Variants in HGF observed in about 807,000 individuals in gnomAD.
HGF encodes fibroblast-derived tumor cytotoxic factor.
A neutral mutation model predicts 111.6 loss-of-function variants in HGF; 39 were observed. That is an observed-to-expected ratio of 0.35 (90% CI 0.27 to 0.46). The LOEUF (loss-of-function observed/expected upper bound fraction) is 0.46, where lower values mean the gene tolerates loss of function less well. Among genes scored for constraint, HGF ranks in the 20% least tolerant of loss-of-function variants. The pLI, the probability that HGF is intolerant of heterozygous loss-of-function variation, is 1.00. For missense variants in HGF, 735 were observed against 910.5 expected (o/e 0.81, Z 2.48); for synonymous variants, 285 against 294.8 (o/e 0.97, Z 0.34).
At chr7:81,765,004 A>T (rs941236574) in intron 1 of HGF, among the ~76,000 whole-genome samples, 1 of 152,108 alleles carries the variant, frequency 6.6e-6, no homozygotes, top group Non-Finnish European at 1.5e-5. Flanking sequence ...CCAAAATAGA[A>T]GAGTTTTATA....
Position 81,726,123 on chromosome 7 carries a change from G to A in HGF, c.1041-106C>T. The A allele has an allele frequency of 2.6e-6, 3 of 1,173,874 alleles. No individual in the cohort carries two copies. In the Admixed American group the frequency reaches 5.2e-5, roughly 20 times the overall value. The allele number at this position is 1,173,874 out of a possible 1,614,324, so 72.7% of individuals were successfully genotyped here. ...TAGAATGTATGCATGTTTATAAATA[G>A]AGTTCTAACTTTTTGGACTCAGAAT... On this transcript the variant is annotated intron_variant, in intron 8 of 17. Coordinates refer to ENST00000222390, the MANE Select transcript of HGF (RefSeq NM_000601.6).
At position 81,769,914 on chromosome 7, in the gene HGF, G is replaced by T. The variant is rs755241254; in HGVS notation, c.58C>A (p.Leu20Ile). Reference protein sequence around the residue: ...LLLQHVLLHLLLLPIAIPYAE... With the variant: ...LLLQHVLLHLILLPIAIPYAE... Reference sequence around the variant, plus strand: ...TAGGGGATGGCGATGGGGAGCAGGAGGAGATGCAGGAGGACATGCTGCAGC... The same window carrying T: ...TAGGGGATGGCGATGGGGAGCAGGATGAGATGCAGGAGGACATGCTGCAGC... Residue 20 changes from leucine to isoleucine, a missense_variant, in exon 1 of 18, where the codon CTC becomes ATC. Physicochemically the swap from Leu to Ile is conservative, Grantham distance 5. Around this residue, in one of 3 missense-constraint regions of HGF, gnomAD observed 553 missense variants for 685.6 expected, o/e 0.81. Coordinates refer to ENST00000222390, the MANE Select transcript of HGF (RefSeq NM_000601.6). The T allele has an allele frequency of 9.6e-6, 15 of 1,569,012 alleles. No individual in the cohort carries two copies. Among genetic ancestry groups the T allele is most frequent in the African/African-American group, 9.5e-5 (7 of 73,950 alleles).
intron 5 of HGF, chr7:81,751,422 T>A (rs2116108598): frequency 1.0e-6 from 1 of 985,362 alleles, no homozygotes; most frequent in African/African-American, 1.7e-5. Flanking sequence ...GCCATTCAGT[T>A]TTCCACTGCA....
At chr7:81,745,750 G>C (rs1788216127) in intron 5 of HGF, among the ~76,000 whole-genome samples, 1 of 152,246 alleles carries the variant, frequency 6.6e-6, no homozygotes, top group African/African-American at 2.4e-5. Flanking sequence ...GCTTAGGATA[G>C]AAGATGACCT....
At chr7:81,737,864 G>A (rs73712330) in intron 7 of HGF, among the ~76,000 whole-genome samples, 7,694 of 152,154 alleles carry the variant, frequency 0.051, 715 homozygotes, top group African/African-American at 0.18. Flanking sequence ...AGAGTATAAA[G>A]GTATCTTCAG....
intron 7 of HGF, among the ~76,000 whole-genome samples, chr7:81,741,846 G>A (rs954857697): frequency 1.4e-5 from 2 of 145,966 alleles, no homozygotes; most frequent in African/African-American, 5.1e-5. Flanking sequence ...GCTGAGGCAG[G>A]AGAATCACTT....
At chr7:81,760,587 A>G (rs896752007) in intron 2 of HGF, among the ~76,000 whole-genome samples, 6 of 152,026 alleles carry the variant, frequency 3.9e-5, no homozygotes, top group Non-Finnish European at 8.8e-5. Flanking sequence ...ATTCATTAAG[A>G]CCCTAAGTTC....
chr7:81,742,498 AC>A (rs995026620), intron 7 of HGF, among the ~76,000 whole-genome samples: 2 of 152,148 alleles, frequency 1.3e-5, no homozygotes, highest in African/African-American at 4.8e-5. Context: ...CCAATTTATA[AC>A]ATTATTATAC....
chr7:81,746,955 G>A (rs991212595), intron 5 of HGF, among the ~76,000 whole-genome samples: 1 of 152,058 alleles, frequency 6.6e-6, no homozygotes, highest in Non-Finnish European at 1.5e-5. Context: ...GTCTGGGCTG[G>A]GGCACTAATA....
intron 5 of HGF, among the ~76,000 whole-genome samples, chr7:81,747,373 C>T (rs143790085): frequency 1.3e-5 from 2 of 151,754 alleles, no homozygotes; most frequent in African/African-American, 4.8e-5. Context: ...AGTATTTGGC[C>T]GTAATAGTTT....
intron 7 of HGF, among the ~76,000 whole-genome samples, chr7:81,736,453 C>A (rs1787828801): frequency 6.6e-6 from 1 of 151,986 alleles, no homozygotes; most frequent in African/African-American, 2.4e-5. Flanking sequence ...GTGATGCTGG[C>A]ATATTGTTAT....
chr7:81,759,173 A>T (rs888519579), intron 2 of HGF, among the ~76,000 whole-genome samples: 2 of 152,212 alleles, frequency 1.3e-5, no homozygotes, highest in Non-Finnish European at 2.9e-5. Flanking sequence ...GAAAGTTGGA[A>T]TATTTTTATC....
rs1790059059 is a variant in HGF at position 81,727,790 on chromosome 7, C to T, written c.1041-1773G>A. 2.0e-5 allele frequency among the ~76,000 whole-genome samples: 3 copies of T among 152,100 alleles called. No homozygotes were observed. The South Asian group carries it at 6.2e-4, about 32-fold the overall frequency. On this transcript the variant is annotated intron_variant, in intron 8 of 17. Transcript: ENST00000222390. ...TTAGACAAGCTAATTAAGTGAAGAT[C>T]GAGGGCTATCAAAGTCTTAGTTTGG...
intron 1 of HGF, among the ~76,000 whole-genome samples, chr7:81,767,149 A>G (rs1383254333): frequency 2.0e-5 from 3 of 152,116 alleles, no homozygotes; most frequent in Admixed American, 6.5e-5. Context: ...ACCTGGTTTG[A>G]TTCTCTATGC....
chr7:81,728,879 T>C (rs1380430405), intron 8 of HGF, among the ~76,000 whole-genome samples: 2 of 152,238 alleles, frequency 1.3e-5, no homozygotes, highest in African/African-American at 4.8e-5. Flanking sequence ...ATGTGTGTTA[T>C]TAATTTCAAA....
At chr7:81,765,932 A>G (rs1789335007) in intron 1 of HGF, among the ~76,000 whole-genome samples, 2 of 152,170 alleles carry the variant, frequency 1.3e-5, no homozygotes, top group Non-Finnish European at 2.9e-5. Context: ...AAATATTGAA[A>G]TGAAATCAAA....
intron 11 of HGF, among the ~76,000 whole-genome samples, chr7:81,712,596 C>A (rs985462319): frequency 6.6e-6 from 1 of 152,102 alleles, no homozygotes; most frequent in Non-Finnish European, 1.5e-5. Flanking sequence ...TTGGAAGATG[C>A]AAGGATTTTG....
chr7:81,734,065 A>G (rs1787749582), intron 7 of HGF, among the ~76,000 whole-genome samples: 1 of 152,138 alleles, frequency 6.6e-6, no homozygotes, highest in African/African-American at 2.4e-5. Context: ...TGGCCAAACT[A>G]AAATGTCAGA....
intron 7 of HGF, among the ~76,000 whole-genome samples, chr7:81,740,669 G>A (rs1471379114): frequency 6.6e-6 from 1 of 152,212 alleles, no homozygotes; most frequent in African/African-American, 2.4e-5. Flanking sequence ...CCTGTTGGCA[G>A]GAGTAAACTG....
Sources: allele counts gnomAD v4.1 joint callset (sites outside exome capture counted in the v4.1 genomes callset), GRCh38; gene constraint gnomAD v4.1.1; regional missense constraint gnomAD v4.1.1; transcripts MANE v1.5; gene names NCBI Gene and HGNC (gene_info 2026-07-23, HGNC 2026-07-21).